Variants in SLC29A2 observed in about 807,000 individuals in gnomAD.
SLC29A2 encodes solute carrier family 29 member 2.
In SLC29A2, 37 loss-of-function variants were observed where a neutral mutation model predicts 48.8. The observed-to-expected ratio is 0.76, with a 90% confidence interval of 0.58 to 1.00. SLC29A2 has a LOEUF of 1.00. Among genes scored for constraint, SLC29A2 ranks in the 50% least tolerant of loss-of-function variants. The pLI, the probability that SLC29A2 is intolerant of heterozygous loss-of-function variation, is 0.00. For missense variants in SLC29A2, 533 were observed against 578.6 expected (o/e 0.92, Z 0.81); for synonymous variants, 233 against 261.7 (o/e 0.89, Z 1.06).
intron 5 of SLC29A2, 40 bp from the exon 6 acceptor site, chr11:66,367,909 C>G (rs776456027): frequency 5.2e-6 from 8 of 1,542,364 alleles, no homozygotes; most frequent in South Asian, 4.5e-5. Context: ...GGCACCTGGT[C>G]CCGCCGGCTC....
At chr11:66,366,663 T>A (rs1255642274) in intron 7 of SLC29A2, 99 bp from the exon 8 acceptor site, 57 of 1,382,762 alleles carry the variant, frequency 4.1e-5, no homozygotes, top group Non-Finnish European at 5.3e-5. Flanking sequence ...AAACAAGTGA[T>A]CCTCAGCTCA....
intron 2 of SLC29A2, among the ~76,000 whole-genome samples, chr11:66,370,339 C>A (rs1855959040): frequency 6.6e-6 from 1 of 152,192 alleles, no homozygotes; most frequent in South Asian, 2.1e-4. Context: ...GCTCTTTGGC[C>A]CCCTCTTGCT....
In SLC29A2 at chr11:66,369,194, G is replaced by C. The variant is rs8187648; in HGVS notation, c.281C>G (p.Pro94Arg). 1 of 1,574,808 alleles carries C rather than the reference G, an allele frequency of 6.3e-7. No homozygotes were observed. Among genetic ancestry groups the C allele is most frequent in the African/African-American group, 1.4e-5 (1 of 73,944 alleles). Residue 94 changes from proline (P) to arginine (R), a missense_variant, in exon 4 of 12, where the codon CCG (proline) becomes CGG (arginine). Physicochemically the swap from Pro to Arg is moderately radical, Grantham distance 103. Transcript: ENST00000357440. ...GCTGCCCAGAATGCGCACCGTCTCCGGGACGCTGCTCAGAAGCAGGCAGAG... is the reference window on the plus strand; with the variant it reads ...GCTGCCCAGAATGCGCACCGTCTCCCGGACGCTGCTCAGAAGCAGGCAGAG... The part of the protein sequence containing the change: ...LLNSFLYQCV[P>R]ETVRILGSLL...
chr11:66,364,502 AC>A, intron 10 of SLC29A2, 78 bp from the exon 11 acceptor site: 83 of 918,084 alleles, frequency 9.0e-5, no homozygotes, highest in Non-Finnish European at 1.2e-4. Context: ...CCCATAGAGT[AC>A]TTTTTTTTTT....
chr11:66,363,200 G>T lies in SLC29A2; in HGVS notation c.*236C>A. ...TCCCTAGTCATCACCCTTTCCATGAGGTCTTGTGCGAGTCACCCCCATTCC... is the reference window on the plus strand; with the variant it reads ...TCCCTAGTCATCACCCTTTCCATGATGTCTTGTGCGAGTCACCCCCATTCC... On this transcript the variant is annotated 3_prime_UTR_variant, in exon 12 of 12. Coordinates refer to ENST00000357440, the MANE Select transcript of SLC29A2 (RefSeq NM_001532.3). 1.8e-6 allele frequency: 1 copy of T among 552,398 alleles called. No individual in the cohort carries two copies. The highest frequency in any genetic ancestry group is 3.3e-6 in the Non-Finnish European group (1 of 303,980). 34.2% of individuals were successfully genotyped at this position (552,398 alleles called of 1,614,324 possible).
Position 66,363,334 on chromosome 11 carries a change from C to T in SLC29A2, c.*102G>A, listed in dbSNP as rs750725427. 1.2e-4 allele frequency: 114 copies of T among 914,654 alleles called. No individual in the cohort carries two copies. Among genetic ancestry groups the T allele is most frequent in the Middle Eastern group, 2.3e-4 (1 of 4,406 alleles). The allele number at this position is 914,654 out of a possible 1,614,324, so 56.7% of individuals were successfully genotyped here. A position where few individuals can be genotyped will look rare whatever the true frequency, so the allele number is the denominator to read the frequency against. On this transcript the variant is annotated 3_prime_UTR_variant, in exon 12 of 12. Coordinates refer to ENST00000357440, the MANE Select transcript of SLC29A2 (RefSeq NM_001532.3). The stretch of plus-strand genomic sequence containing the variant: ...CAGCCTCAGGCCCAGGGGCCTCCAC[C>T]CCGCAGAGGCCTGAGCCAAGCTCGC...
chr11:66,368,972 C>T, intron 4 of SLC29A2, 88 bp downstream of exon 4: 1 of 1,476,722 alleles, frequency 6.8e-7, no homozygotes, highest in Non-Finnish European at 9.3e-7. Context: ...ATGCTGTCTG[C>T]CCTTCTCGGA....
At position 66,364,373 on chromosome 11, in the gene SLC29A2, A is replaced by G. The variant is rs764893794; in HGVS notation, c.1111T>C (p.Phe371Leu). 6.2e-7 allele frequency: 1 copy of G among 1,614,056 alleles called. No individual in the cohort carries two copies. The highest frequency in any genetic ancestry group is 2.2e-5 in the East Asian group (1 of 44,878). ...LPLLVCLRFL[F>L]VPLFMLCHVP... ...TGGCACAGCATGAAGAGGGGCACGA[A>G]CAGGAACCGCAGGCAGACCAGCAGG... Residue 371 changes from phenylalanine (F) to leucine (L), a missense_variant, in exon 11 of 12, where the codon TTC becomes CTC. Phe to Leu is a conservative substitution (Grantham distance 22). Coordinates refer to ENST00000357440, the MANE Select transcript of SLC29A2 (RefSeq NM_001532.3).
At chr11:66,364,017 CTTGG>C (rs1855520720) in intron 11 of SLC29A2, among the ~76,000 whole-genome samples, 1 of 152,116 alleles carries the variant, frequency 6.6e-6, no homozygotes, top group Non-Finnish European at 1.5e-5. Flanking sequence ...GCCTGGGCTA[CTTGG>C]TTGGGCGGGT....
intron 11 of SLC29A2, 44 bp from the exon 12 acceptor site, chr11:66,363,591 A>G: frequency 6.9e-7 from 1 of 1,455,256 alleles, no homozygotes; most frequent in Non-Finnish European, 9.5e-7. Context: ...TGCTGGGTCT[A>G]AATCTGGACC....
chr11:66,370,858 CAAAAA>C (rs35962792), intron 2 of SLC29A2, among the ~76,000 whole-genome samples: 2 of 92,248 alleles, frequency 2.2e-5, no homozygotes, highest in African/African-American at 4.2e-5. Flanking sequence ...GACTCTGTCT[CAAAAA>C]AAAAAAAAAA....
chr11:66,367,695 C>A, intron 6 of SLC29A2, 77 bp downstream of exon 6: 1 of 1,506,694 alleles, frequency 6.6e-7, no homozygotes, highest in South Asian at 1.1e-5. Flanking sequence ...CCTCCCCTGG[C>A]CTCTCTCAGG....
Position 66,369,145 on chromosome 11 carries a change from A to G in SLC29A2, c.330T>C (p.Phe110=), listed in dbSNP as rs1371257104. 2 of 1,582,598 alleles carry G rather than the reference A, an allele frequency of 1.3e-6. No homozygotes were observed. Among genetic ancestry groups the G allele is most frequent in the Admixed American group, 1.8e-5 (1 of 54,868 alleles). ...CCTTGACCAGCGCTGCTGTCAGGGC[A>G]AAGAGCAGCAGTATGGCCAGCAGGC... ...LGSLLAILLL[F]ALTAALVKVD... Residue 110 remains phenylalanine (F), a synonymous_variant, in exon 4 of 12, where the codon TTT becomes TTC. Coordinates refer to ENST00000357440, the MANE Select transcript of SLC29A2 (RefSeq NM_001532.3).
intron 7 of SLC29A2, among the ~76,000 whole-genome samples, chr11:66,367,015 C>T (rs1855737820): frequency 1.3e-5 from 2 of 152,278 alleles, no homozygotes; most frequent in Admixed American, 1.3e-4. Context: ...AGGCTGCAGG[C>T]GAAGGGAATT....
At position 66,371,726 on chromosome 11, in the gene SLC29A2, G is replaced by T; in HGVS notation, c.-135C>A. The stretch of plus-strand genomic sequence containing the variant: ...ATTCCGGTGCAGGGCGGCTGGAGTC[G>T]CACAGGTAGCCTCGGGCGGATTTCG... On this transcript the variant is annotated 5_prime_UTR_variant, in exon 1 of 12. Transcript: ENST00000357440. The T allele has an allele frequency of 6.1e-6, 5 of 820,718 alleles. No individual in the cohort carries two copies. Among genetic ancestry groups the T allele is most frequent in the Non-Finnish European group, 7.5e-6 (4 of 531,606 alleles). 50.8% of individuals were successfully genotyped at this position (820,718 alleles called of 1,614,324 possible).
chr11:66,366,657 A>C, intron 7 of SLC29A2, 93 bp from the exon 8 acceptor site: 1 of 1,439,322 alleles, frequency 6.9e-7, no homozygotes, highest in South Asian at 1.2e-5. Flanking sequence ...CAGTTAAAAC[A>C]AGTGATCCTC....
In SLC29A2 at chr11:66,362,547, A is replaced by C. The variant is rs1855445977; in HGVS notation, c.*889T>G. The C allele has an allele frequency of 6.6e-6, 1 of 152,280 alleles. No homozygotes were observed. Among genetic ancestry groups the C allele is most frequent in the East Asian group, 1.9e-4 (1 of 5,194 alleles). The allele number at this position is 152,280 out of a possible 1,614,324, so 9.4% of individuals were successfully genotyped here. A position where few individuals can be genotyped will look rare whatever the true frequency, so the allele number is the denominator to read the frequency against. ...ACAAATAAATGGGGTTATTAGACCC[A>C]AGAGCAGGGTCAGAAGGAGAAACAG... On this transcript the variant is annotated 3_prime_UTR_variant, in exon 12 of 12. Coordinates refer to ENST00000357440, the MANE Select transcript of SLC29A2 (RefSeq NM_001532.3).
rs1206349758 is a variant in SLC29A2, at chr11:66,362,762, T to A, written c.*674A>T. On this transcript the variant is annotated 3_prime_UTR_variant, in exon 12 of 12. Transcript: ENST00000357440. Reference sequence around the variant, plus strand: ...TGTATAATGGGGGAAGCACAATCCTTGCCTGACTCCTTCCAAGAGCCTCAA... The same window carrying A: ...TGTATAATGGGGGAAGCACAATCCTAGCCTGACTCCTTCCAAGAGCCTCAA... 5 of 154,142 alleles carry A rather than the reference T, an allele frequency of 3.2e-5. No homozygotes were observed. The highest frequency in any genetic ancestry group is 1.3e-4 in the Admixed American group (2 of 15,646). 9.5% of individuals were successfully genotyped at this position (154,142 alleles called of 1,614,324 possible).
chr11:66,365,870 C>T, intron 10 of SLC29A2, 66 bp downstream of exon 10: 1 of 1,475,068 alleles, frequency 6.8e-7, no homozygotes, highest in African/African-American at 1.4e-5. Context: ...CCTCCATGCT[C>T]TTTCAAGCCC....
Sources: gnomAD v4.1 joint callset for allele counts (sites outside exome capture counted in the v4.1 genomes callset) on GRCh38, gnomAD v4.1.1 for gene constraint, MANE v1.5 for transcripts, NCBI Gene and HGNC (gene_info 2026-07-23, HGNC 2026-07-21) for gene names.